PCDH15: variants seen among roughly 807,000 people sequenced by gnomAD.
PCDH15 encodes protocadherin related 15.
In PCDH15, 129 loss-of-function variants were observed where a neutral mutation model predicts 178.5. The ratio of observed to expected loss-of-function variants is 0.72; its 90% CI spans 0.63 to 0.84. PCDH15 has a LOEUF of 0.84. Ranked by LOEUF, PCDH15 falls within the 40% of genes least tolerant of loss-of-function variation. The probability of loss-of-function intolerance (pLI) is 0.00; values close to 1 mark genes in which losing one functional copy is unlikely to be tolerated. For synonymous variants in PCDH15, 800 were observed against 732.0 expected (o/e 1.09, Z -1.50); for missense variants, 2,230 against 2,099.9 (o/e 1.06, Z -1.21).
At chr10:54,565,371 C>T (rs1462015855) in intron 2 of PCDH15, among the ~76,000 whole-genome samples, 1 of 152,154 alleles carries the variant, frequency 6.6e-6, no homozygotes, top group Non-Finnish European at 1.5e-5. Context: ...AACCTCTGGT[C>T]CTTGATTTCC....
chr10:54,928,642 T>G (rs1837689566), intron 2 of PCDH15, among the ~76,000 whole-genome samples: 1 of 152,152 alleles, frequency 6.6e-6, no homozygotes. Flanking sequence ...TCCTTTTCAT[T>G]ACTTTTTCTT....
chr10:55,076,859 C>T (rs927983829), intron 2 of PCDH15, among the ~76,000 whole-genome samples: 1 of 147,990 alleles, frequency 6.8e-6, no homozygotes, highest in Non-Finnish European at 1.5e-5. Context: ...ACCTCTGTCT[C>T]CTTGGTTCAA....
chr10:53,808,813 C>T (rs752435680), intron 37 of PCDH15: 5 of 1,611,268 alleles, frequency 3.1e-6, no homozygotes, highest in Non-Finnish European at 4.2e-6. Flanking sequence ...ACTTTCGCTA[C>T]TACTGCTACT....
chr10:54,432,731 C>G (rs1283686150), intron 3 of PCDH15, among the ~76,000 whole-genome samples: 2 of 152,044 alleles, frequency 1.3e-5, no homozygotes, highest in Admixed American at 1.3e-4. Flanking sequence ...AACATGAAAT[C>G]ACATCAAGTT....
intron 2 of PCDH15, among the ~76,000 whole-genome samples, chr10:54,620,150 G>A (rs1204323355): frequency 6.6e-6 from 1 of 151,906 alleles, no homozygotes; most frequent in Admixed American, 6.6e-5. Flanking sequence ...AAGCCCTAAA[G>A]ATTTACTTTG....
At chr10:54,209,408 C>A (rs2051166752) in intron 10 of PCDH15, among the ~76,000 whole-genome samples, 1 of 151,928 alleles carries the variant, frequency 6.6e-6, no homozygotes, top group Non-Finnish European at 1.5e-5. Flanking sequence ...AGTAGATGAG[C>A]AGAGTTGAGA....
intron 1 of PCDH15, among the ~76,000 whole-genome samples, chr10:54,715,192 G>GT (rs1239981524): frequency 1.3e-5 from 2 of 152,034 alleles, no homozygotes; most frequent in Non-Finnish European, 2.9e-5. Flanking sequence ...CTTATGCAAG[G>GT]TAACTGACTA....
chr10:54,567,515 C>T (rs2089216622), intron 2 of PCDH15, among the ~76,000 whole-genome samples: 1 of 152,012 alleles, frequency 6.6e-6, no homozygotes, highest in Non-Finnish European at 1.5e-5. Context: ...TTAGCTCTTC[C>T]AAACCATTAT....
chr10:54,525,542 C>T (rs2083285208), intron 3 of PCDH15, among the ~76,000 whole-genome samples: 1 of 152,150 alleles, frequency 6.6e-6, no homozygotes, highest in Admixed American at 6.5e-5. Flanking sequence ...ACCTCCCCTC[C>T]TGGCCTCCCA....
chr10:54,046,481 A>G (rs1295807072), intron 18 of PCDH15, among the ~76,000 whole-genome samples: 3 of 152,194 alleles, frequency 2.0e-5, no homozygotes, highest in African/African-American at 7.2e-5. Context: ...GTGGCTGAAT[A>G]GTAAAAAGTT....
At chr10:54,038,378 T>C (rs1328270320) in intron 18 of PCDH15, among the ~76,000 whole-genome samples, 2 of 151,832 alleles carry the variant, frequency 1.3e-5, no homozygotes, top group Non-Finnish European at 2.9e-5. Flanking sequence ...AAGAGTTTTG[T>C]TGGGGTATGC....
intron 1 of PCDH15, among the ~76,000 whole-genome samples, chr10:54,773,521 A>G (rs138609365): frequency 3.5e-4 from 54 of 152,308 alleles, no homozygotes; most frequent in African/African-American, 1.3e-3. Context: ...ACACCTGCAG[A>G]TGCATTCTCA....
chr10:54,307,120 A>G (rs866300496), intron 8 of PCDH15, among the ~76,000 whole-genome samples: 6,540 of 58,750 alleles, frequency 0.11, 1,254 homozygotes, highest in East Asian at 0.19. Flanking sequence ...ATATATATAT[A>G]TATATATATA....
intron 19 of PCDH15, among the ~76,000 whole-genome samples, chr10:54,021,417 T>C (rs1015470776): frequency 7.9e-5 from 12 of 152,074 alleles, no homozygotes; most frequent in African/African-American, 2.4e-4. Flanking sequence ...CATTTTATTA[T>C]GTGGTTTTTC....
chr10:53,970,451 G>A (rs191077199), intron 21 of PCDH15, among the ~76,000 whole-genome samples: 1 of 151,780 alleles, frequency 6.6e-6, no homozygotes, highest in African/African-American at 2.4e-5. Context: ...CAGAACTGAA[G>A]GAGACAGAGA....
intron 2 of PCDH15, among the ~76,000 whole-genome samples, chr10:55,159,635 G>GAT (rs1338968699): frequency 6.8e-6 from 1 of 146,630 alleles, no homozygotes; most frequent in African/African-American, 2.5e-5. Flanking sequence ...ATCTTAAAGA[G>GAT]ATATATATAA....
chr10:54,956,939 G>C (rs1368203349), intron 2 of PCDH15, among the ~76,000 whole-genome samples: 1 of 151,608 alleles, frequency 6.6e-6, no homozygotes, highest in Non-Finnish European at 1.5e-5. Context: ...GAACCAGGAA[G>C]GGAACCTTTA....
In PCDH15 at chr10:55,421,676, T is replaced by C. The variant is rs540471681; in HGVS notation, c.-156+205949A>G. ...ACATATTCCAAATTAATTAATACTT[T>C]CATCATTCTAAGAAGTTTAAAAAGA... On this transcript the variant is annotated intron_variant, in intron 2 of 5. Transcript: ENST00000613346. Among the ~76,000 whole-genome samples the C allele has an allele frequency of 2.9e-4, 44 of 151,638 alleles. No individual in the cohort carries two copies. In the South Asian group the frequency reaches 8.9e-3, roughly 31 times the overall value.
chr10:53,853,073 G>A (rs995810294), intron 28 of PCDH15, among the ~76,000 whole-genome samples: 1 of 151,690 alleles, frequency 6.6e-6, no homozygotes, highest in Non-Finnish European at 1.5e-5. Flanking sequence ...TACTAATGTA[G>A]GTTTCAAAAA....
Sources: allele counts gnomAD v4.1 joint callset (sites outside exome capture counted in the v4.1 genomes callset), GRCh38; gene constraint gnomAD v4.1.1; transcripts MANE v1.5; gene names NCBI Gene and HGNC (gene_info 2026-07-23, HGNC 2026-07-21).